Variants in PPA2 observed in about 807,000 individuals in gnomAD.
PPA2 encodes inorganic pyrophosphatase 2, mitochondrial.
PPA2 carries 48 observed loss-of-function variants against 49.5 expected under a neutral mutation model. The ratio of observed to expected loss-of-function variants is 0.97; its 90% CI spans 0.77 to 1.23. The LOEUF (loss-of-function observed/expected upper bound fraction) is 1.23. Among genes scored for constraint, PPA2 ranks in the 50% most tolerant of loss-of-function variants. The pLI, the probability that PPA2 is intolerant of heterozygous loss-of-function variation, is 0.00. For missense variants in PPA2, 429 were observed against 410.1 expected (o/e 1.05, Z -0.40); for synonymous variants, 131 against 139.9 (o/e 0.94, Z 0.45).
chr4:105,444,168 T>C (rs1435249689), intron 5 of PPA2, among the ~76,000 whole-genome samples: 4 of 152,144 alleles, frequency 2.6e-5, no homozygotes, highest in Non-Finnish European at 4.4e-5. Flanking sequence ...ATGTACTGAA[T>C]GAATGAACAG....
chr4:105,447,880 T>C (rs2110303102), intron 4 of PPA2: 1 of 188,472 alleles, frequency 5.3e-6, no homozygotes, highest in South Asian at 7.8e-5. Context: ...ATTACAGACA[T>C]GCACCACCAT....
At chr4:105,397,259 C>G (rs982648708) in intron 8 of PPA2, among the ~76,000 whole-genome samples, 5 of 152,048 alleles carry the variant, frequency 3.3e-5, no homozygotes, top group Non-Finnish European at 5.9e-5. Context: ...GAAATTTATC[C>G]TCTGAAAAGA....
intron 9 of PPA2, among the ~76,000 whole-genome samples, chr4:105,388,824 C>CAAAA (rs1283756104): frequency 2.6e-5 from 1 of 38,484 alleles, no homozygotes; most frequent in Non-Finnish European, 5.7e-5. Flanking sequence ...GGCAACGTCT[C>CAAAA]CAAAAAAAAA....
Position 105,441,895 on chromosome 4 carries a change from C to T in PPA2, c.442-3859G>A, listed in dbSNP as rs185096705. 1.6e-4 allele frequency among the ~76,000 whole-genome samples: 25 copies of T among 152,146 alleles called. No individual in the cohort carries two copies. The East Asian group carries it at 4.0e-3, about 25-fold the overall frequency. On this transcript the variant is annotated intron_variant, in intron 5 of 11. Coordinates refer to ENST00000341695, the MANE Select transcript of PPA2 (RefSeq NM_176869.3). ...TGGTCCTTAGGTCTCTTAAAAAATC[C>T]CTGAATCATACAAAGCCATATATAC...
rs1437416325 is a variant in PPA2 at position 105,369,495 on chromosome 4, T to A, written c.*230A>T. On this transcript the variant is annotated 3_prime_UTR_variant, in exon 12 of 12. Coordinates refer to ENST00000341695, the MANE Select transcript of PPA2 (RefSeq NM_176869.3). Reference sequence around the variant, plus strand: ...ACCTCGGCCTCCCAAAGTGCTGAAATTACAGGCATGAGCCACCGTGCCTGG... The same window carrying A: ...ACCTCGGCCTCCCAAAGTGCTGAAAATACAGGCATGAGCCACCGTGCCTGG... 4.2e-6 allele frequency: 2 copies of A among 479,258 alleles called. No homozygotes were observed. The highest frequency in any genetic ancestry group is 7.5e-6 in the Non-Finnish European group (2 of 268,350). 29.7% of individuals were successfully genotyped at this position (479,258 alleles called of 1,614,324 possible).
chr4:105,397,338 C>T (rs1448225222), intron 8 of PPA2, among the ~76,000 whole-genome samples: 1 of 152,002 alleles, frequency 6.6e-6, no homozygotes, highest in Non-Finnish European at 1.5e-5. Context: ...TAGTGTTGGG[C>T]GGGAATCTCA....
intron 2 of PPA2, among the ~76,000 whole-genome samples, chr4:105,455,907 A>G (rs1332715784): frequency 6.6e-6 from 1 of 152,226 alleles, no homozygotes; most frequent in Non-Finnish European, 1.5e-5. Flanking sequence ...TATTTACTTA[A>G]TAGTTGTACC....
intron 1 of PPA2, among the ~76,000 whole-genome samples, chr4:105,469,468 A>T (rs528888799): frequency 1.6e-4 from 24 of 152,364 alleles, no homozygotes; most frequent in African/African-American, 5.5e-4. Context: ...AATTTTATGT[A>T]TCTATACCAG....
chr4:105,424,087 C>T lies in PPA2; in HGVS notation c.655+109G>A, dbSNP rs961485654. 28 of 1,161,124 alleles carry T rather than the reference C, an allele frequency of 2.4e-5. No individual in the cohort carries two copies. The African/African-American group carries it at 4.5e-4, about 19-fold the overall frequency. The allele number at this position is 1,161,124 out of a possible 1,614,324, so 71.9% of individuals were successfully genotyped here. A position where few individuals can be genotyped will look rare whatever the true frequency, so the allele number is the denominator to read the frequency against. Reference sequence around the variant, plus strand: ...TTTGTCTATCTACATCTTTTCCTCTCTCTTTTTTAAAAAGTACATTTAACT... The same window carrying T: ...TTTGTCTATCTACATCTTTTCCTCTTTCTTTTTTAAAAAGTACATTTAACT... On this transcript the variant is annotated intron_variant, in intron 7 of 11. Coordinates refer to ENST00000341695, the MANE Select transcript of PPA2 (RefSeq NM_176869.3).
At chr4:105,424,983 G>A (rs897096229) in intron 6 of PPA2, among the ~76,000 whole-genome samples, 2 of 152,046 alleles carry the variant, frequency 1.3e-5, no homozygotes, top group Non-Finnish European at 2.9e-5. Flanking sequence ...TTACCACAAG[G>A]GGCATTCATT....
intron 1 of PPA2, among the ~76,000 whole-genome samples, chr4:105,468,312 G>A (rs2110333241): frequency 6.6e-6 from 1 of 152,274 alleles, no homozygotes; most frequent in African/African-American, 2.4e-5. Context: ...CATTTCAAAG[G>A]CTAGAGTTCG....
At position 105,462,175 on chromosome 4, in the gene PPA2, T is replaced by C. The variant is rs527465484; in HGVS notation, c.158-5430A>G. Among the ~76,000 whole-genome samples, 4 of 152,320 alleles carry C rather than the reference T, an allele frequency of 2.6e-5. No homozygotes were observed. In the South Asian group the frequency reaches 8.3e-4, roughly 32 times the overall value. On this transcript the variant is annotated intron_variant, in intron 1 of 11. Coordinates refer to ENST00000341695, the MANE Select transcript of PPA2 (RefSeq NM_176869.3). ...CGCTGTGGCAACACATGCCGTTATT[T>C]TTAAAGACAGTAGAACTTATCTAGC...
At chr4:105,370,694 AGCG>A in intron 11 of PPA2, 140 bp downstream of exon 11, 1 of 1,155,340 alleles carries the variant, frequency 8.7e-7, no homozygotes, top group South Asian at 2.5e-5. Context: ...CTGAAATTTT[AGCG>A]ACTATTTTAA....
chr4:105,371,013 C>A, intron 10 of PPA2, 140 bp from the exon 11 acceptor site: 1 of 742,428 alleles, frequency 1.3e-6, no homozygotes, highest in Non-Finnish European at 1.9e-6. Context: ...AAATATTCCC[C>A]TTTGCTTTTC....
chr4:105,448,809 G>GA (rs1165409987), intron 4 of PPA2, among the ~76,000 whole-genome samples: 3 of 150,946 alleles, frequency 2.0e-5, no homozygotes, highest in African/African-American at 7.3e-5. Context: ...TTTCAAAGGA[G>GA]AAAAAAAGAA....
chr4:105,473,879 C>T lies in PPA2; in HGVS notation c.157+15G>A. 3 of 1,586,934 alleles carry T rather than the reference C, an allele frequency of 1.9e-6. No individual in the cohort carries two copies. The highest frequency in any genetic ancestry group is 2.6e-6 in the Non-Finnish European group (3 of 1,163,888). ...CTCCGGTGCGCCGCTCGGCGAACCTCCGGGAGCTACTTACTAAAGAAGAGG... is the reference window on the plus strand; with the variant it reads ...CTCCGGTGCGCCGCTCGGCGAACCTTCGGGAGCTACTTACTAAAGAAGAGG... On this transcript the variant is annotated intron_variant, in intron 1 of 11. Coordinates refer to ENST00000341695, the MANE Select transcript of PPA2 (RefSeq NM_176869.3).
chr4:105,445,541 T>A (rs1722341418), intron 5 of PPA2, among the ~76,000 whole-genome samples: 1 of 152,138 alleles, frequency 6.6e-6, no homozygotes, highest in Admixed American at 6.6e-5. Context: ...TGCTTTTTCA[T>A]GTTGGATAAA....
intron 10 of PPA2, among the ~76,000 whole-genome samples, chr4:105,376,702 C>G (rs1733267960): frequency 6.6e-6 from 1 of 152,180 alleles, no homozygotes; most frequent in Non-Finnish European, 1.5e-5. Context: ...AAGTGTATAG[C>G]TACTTACTCT....
At chr4:105,405,129 A>T (rs1722401430) in intron 7 of PPA2, 2 of 557,798 alleles carry the variant, frequency 3.6e-6, no homozygotes, top group Admixed American at 6.4e-5. Context: ...ACATGAGTTA[A>T]TTTTTTTAGA....
Sources: allele counts gnomAD v4.1 joint callset (sites outside exome capture counted in the v4.1 genomes callset), GRCh38; gene constraint gnomAD v4.1.1; transcripts MANE v1.5; gene names NCBI Gene and HGNC (gene_info 2026-07-23, HGNC 2026-07-21).